Variants in PTPRM observed in about 807,000 individuals in gnomAD.
PTPRM encodes the protein protein tyrosine phosphatase receptor type M, also known as receptor-type tyrosine-protein phosphatase mu.
A neutral mutation model predicts 186.7 loss-of-function variants in PTPRM; 47 were observed. The observed-to-expected ratio is 0.25, with a 90% CI of 0.20 to 0.32. The LOEUF is 0.32. Among genes scored for constraint, PTPRM ranks in the 10% least tolerant of loss-of-function variants. The pLI is 1.00. For synonymous variants in PTPRM, 668 were observed against 674.9 expected (o/e 0.99, Z 0.16); for missense variants, 1,494 against 1,865.0 (o/e 0.80, Z 3.66).
intron 1 of PTPRM, among the ~76,000 whole-genome samples, chr18:7,580,128 A>G (rs573057688): frequency 6.6e-6 from 1 of 152,210 alleles, no homozygotes; most frequent in Non-Finnish European, 1.5e-5. Flanking sequence ...CATTTGATTC[A>G]AGGATCTCTC....
chr18:8,386,402 G>T (rs914353574), intron 30 of PTPRM, among the ~76,000 whole-genome samples: 3 of 152,206 alleles, frequency 2.0e-5, no homozygotes, highest in African/African-American at 7.2e-5. Flanking sequence ...GGGAGGGACT[G>T]CTGTGGGAGA....
chr18:7,619,474 G>GC (rs1327012101), intron 1 of PTPRM, among the ~76,000 whole-genome samples: 2 of 152,074 alleles, frequency 1.3e-5, no homozygotes, highest in Admixed American at 6.6e-5. Context: ...AGTTGCTGCT[G>GC]TGTGTGTGTG....
intron 3 of PTPRM, among the ~76,000 whole-genome samples, chr18:7,888,629 A>G (rs1243317325): frequency 6.6e-6 from 1 of 152,212 alleles, no homozygotes; most frequent in East Asian, 1.9e-4. Context: ...ATTACTGGGT[A>G]TATAACCAAA....
At chr18:8,181,226 G>T (rs990303947) in intron 14 of PTPRM, among the ~76,000 whole-genome samples, 1 of 151,702 alleles carries the variant, frequency 6.6e-6, no homozygotes, top group Admixed American at 6.6e-5. Context: ...GATCATCAAG[G>T]AGGAAAAAGT....
rs2040187879 is a variant in PTPRM at position 7,710,421 on chromosome 18, A to G, written c.74-63728A>G. On this transcript the variant is annotated intron_variant, in intron 1 of 32. Coordinates refer to ENST00000580170, the MANE Select transcript of PTPRM (RefSeq NM_001105244.2). ...CAAAGTAATAAAAGCCATCTATGTA[A>G]AACCCACAGCCAACATCATATTGAA... 2.0e-5 allele frequency among the ~76,000 whole-genome samples: 3 copies of G among 152,218 alleles called. No homozygotes were observed. The South Asian group carries it at 6.2e-4, about 31-fold the overall frequency.
In PTPRM at chr18:8,247,845, C is replaced by G; in HGVS notation, c.2453C>G (p.Ser818Cys). 1 of 1,592,096 alleles carries G rather than the reference C, an allele frequency of 6.3e-7. No homozygotes were observed. The highest frequency in any genetic ancestry group is 8.6e-7 in the Non-Finnish European group (1 of 1,159,980). Residue 818 changes from serine to cysteine, a missense_variant and splice_region_variant, in exon 16 of 33, where the codon TCT becomes TGT. By Grantham distance (112) the Ser-to-Cys change is moderately radical. Transcript: ENST00000580170. The part of the protein sequence containing the change: ...FMDTHNLNGR[S>C]VSSPSSFTMK... ...TGACCAGCCTCTCTTTTATTTACAG[C>G]TGTGTCTTCACCATCGTCCTTCACA... is the stretch of plus-strand genomic sequence containing the variant.
At chr18:8,398,626 C>T (rs1301464289) in intron 32 of PTPRM, among the ~76,000 whole-genome samples, 2 of 151,916 alleles carry the variant, frequency 1.3e-5, no homozygotes, top group African/African-American at 2.4e-5. Context: ...AAAAATTAGC[C>T]GGGCGTGGTG....
At chr18:8,306,202 A>AT (rs199810680) in intron 20 of PTPRM, among the ~76,000 whole-genome samples, 2,593 of 152,000 alleles carry the variant, frequency 0.017, 66 homozygotes, top group African/African-American at 0.06. Flanking sequence ...TGGCAGCGTA[A>AT]TTTTTTTTAA....
At chr18:7,632,630 G>A (rs975441410) in intron 1 of PTPRM, among the ~76,000 whole-genome samples, 1 of 152,160 alleles carries the variant, frequency 6.6e-6, no homozygotes, top group African/African-American at 2.4e-5. Flanking sequence ...TTTTAATTAG[G>A]GATGTGTAAA....
At chr18:7,595,558 C>T (rs1890253905) in intron 1 of PTPRM, among the ~76,000 whole-genome samples, 1 of 152,030 alleles carries the variant, frequency 6.6e-6, no homozygotes, top group African/African-American at 2.4e-5. Flanking sequence ...TAATGTCATC[C>T]TAGGAGACTT....
chr18:7,655,706 A>G (rs563068340), intron 1 of PTPRM, among the ~76,000 whole-genome samples: 1 of 152,358 alleles, frequency 6.6e-6, no homozygotes, highest in Non-Finnish European at 1.5e-5. Context: ...ACTCAATGCT[A>G]AGAAGAAATG....
In PTPRM at chr18:7,960,042, A is replaced by G. The variant is rs554602911; in HGVS notation, c.1132+4628A>G. Among the ~76,000 whole-genome samples the G allele has an allele frequency of 1.1e-4, 16 of 152,322 alleles. 1 individual carries two copies. The South Asian group carries it at 3.3e-3, about 32-fold the overall frequency. On this transcript the variant is annotated intron_variant, in intron 7 of 32. Coordinates refer to ENST00000580170, the MANE Select transcript of PTPRM (RefSeq NM_001105244.2). ...CCATTGAATAGTAGCTACTTGAAAC[A>G]GAGAAATGGGTGATGTTGTTAGATT...
chr18:7,872,482 G>A (rs202041413), intron 2 of PTPRM, among the ~76,000 whole-genome samples: 6 of 151,600 alleles, frequency 4.0e-5, no homozygotes, highest in East Asian at 3.9e-4. Flanking sequence ...TTTTTTACCC[G>A]GATTGAAAAC....
chr18:8,379,930 C>G (rs2095721607), intron 28 of PTPRM, among the ~76,000 whole-genome samples: 1 of 152,084 alleles, frequency 6.6e-6, no homozygotes, highest in Non-Finnish European at 1.5e-5. Flanking sequence ...ATACAAATTG[C>G]TAGCAAACAA....
intron 1 of PTPRM, among the ~76,000 whole-genome samples, chr18:7,637,355 A>C (rs1312505159): frequency 6.6e-6 from 1 of 152,124 alleles, no homozygotes; most frequent in Non-Finnish European, 1.5e-5. Flanking sequence ...GGGATTCTTC[A>C]TACTCAAGAT....
chr18:7,707,078 A>T (rs1168647182), intron 1 of PTPRM, among the ~76,000 whole-genome samples: 2 of 152,134 alleles, frequency 1.3e-5, no homozygotes, highest in Non-Finnish European at 2.9e-5. Flanking sequence ...TCTTATAGAG[A>T]TAATGAAGGA....
chr18:7,700,695 A>T (rs2039941057), intron 1 of PTPRM, among the ~76,000 whole-genome samples: 1 of 152,164 alleles, frequency 6.6e-6, no homozygotes, highest in African/African-American at 2.4e-5. Flanking sequence ...ATATGAGCTC[A>T]TGGTAAAAAT....
At chr18:8,342,627 T>C (rs2095481287) in intron 22 of PTPRM, among the ~76,000 whole-genome samples, 1 of 152,220 alleles carries the variant, frequency 6.6e-6, no homozygotes, top group Non-Finnish European at 1.5e-5. Flanking sequence ...ACATGTCTTA[T>C]AAAGATTTCT....
intron 1 of PTPRM, among the ~76,000 whole-genome samples, chr18:7,667,069 T>G (rs1419141296): frequency 1.3e-5 from 2 of 152,246 alleles, no homozygotes; most frequent in Non-Finnish European, 2.9e-5. Flanking sequence ...GTTACTTGAC[T>G]GATAATGATG....
Sources: allele counts gnomAD v4.1 joint callset (sites outside exome capture counted in the v4.1 genomes callset), GRCh38; gene constraint gnomAD v4.1.1; transcripts MANE v1.5; gene names NCBI Gene and HGNC (gene_info 2026-07-23, HGNC 2026-07-21).